Variants in RETREG3 observed in about 807,000 individuals in gnomAD.
RETREG3 encodes reticulophagy regulator family member 3.
Under a neutral mutation model 50.2 loss-of-function variants are expected in RETREG3, and 23 were observed. The observed-to-expected ratio is 0.46, with a 90% CI of 0.33 to 0.65. The LOEUF (loss-of-function observed/expected upper bound fraction) is 0.65, where lower values mean the gene tolerates loss of function less well. Among genes scored for constraint, RETREG3 ranks in the 30% least tolerant of loss-of-function variants. RETREG3 has a pLI of 0.02. For synonymous variants in RETREG3, 240 were observed against 234.4 expected, an observed-to-expected ratio of 1.02 and a Z score of -0.22; for missense variants, 546 against 598.0, an observed-to-expected ratio of 0.91 and a Z score of 0.91.
chr17:42,599,382 C>A (rs1197143452), intron 1 of RETREG3, among the ~76,000 whole-genome samples: 2 of 152,120 alleles, frequency 1.3e-5, no homozygotes, highest in African/African-American at 2.4e-5. Flanking sequence ...TGGCTGGGCA[C>A]AGTGGCTCAT....
Position 42,580,397 on chromosome 17 carries a change from G to A in RETREG3, c.*1416C>T, listed in dbSNP as rs1334813111. 1 of 152,798 alleles carries A rather than the reference G, an allele frequency of 6.5e-6. No homozygotes were observed. Among genetic ancestry groups the A allele is most frequent in the Non-Finnish European group, 1.5e-5 (1 of 68,062 alleles). 9.5% of individuals were successfully genotyped at this position (152,798 alleles called of 1,614,324 possible). A position where few individuals can be genotyped will look rare whatever the true frequency, so the allele number is the denominator to read the frequency against. Reference sequence around the variant, plus strand: ...ATGAATTATTGCTTCTCCAAAGGAGGAGCAGAGGAAGGAACAGGAACATAG... The same window carrying A: ...ATGAATTATTGCTTCTCCAAAGGAGAAGCAGAGGAAGGAACAGGAACATAG... On this transcript the variant is annotated 3_prime_UTR_variant, in exon 9 of 9. Transcript: ENST00000309428.
At chr17:42,601,697 A>G (rs1287336502) in intron 1 of RETREG3, among the ~76,000 whole-genome samples, 3 of 124,494 alleles carry the variant, frequency 2.4e-5, no homozygotes, top group South Asian at 5.4e-4. Context: ...CAGTGGCGCG[A>G]TCTCGGGTCA....
In RETREG3 at chr17:42,587,863, C is replaced by A; in HGVS notation, c.348G>T (p.Val116=). The change falls in exon 3 of 9, where the codon GTG becomes GTT. Residue 116 remains valine (V), a splice_region_variant and synonymous_variant. Coordinates refer to ENST00000309428, the MANE Select transcript of RETREG3 (RefSeq NM_178126.4). Reference sequence around the variant, plus strand: ...CATTGTCTAATGCGTCGGGTCTTGGCACTACAATATTAAAACAAACACCAG... The same window carrying A: ...CATTGTCTAATGCGTCGGGTCTTGGAACTACAATATTAAAACAAACACCAG... The part of the protein sequence containing the change: ...WKNKIWPEIK[V]PRPDALDNES... 6.2e-7 allele frequency: 1 copy of A among 1,614,070 alleles called. No homozygotes were observed. Among genetic ancestry groups the A allele is most frequent in the Non-Finnish European group, 8.5e-7 (1 of 1,180,002 alleles).
At chr17:42,604,222 TA>T (rs2093163562) in intron 1 of RETREG3, among the ~76,000 whole-genome samples, 1 of 152,142 alleles carries the variant, frequency 6.6e-6, no homozygotes, top group Non-Finnish European at 1.5e-5. Flanking sequence ...TAACAAATTC[TA>T]TAATAACCTC....
intron 2 of RETREG3, among the ~76,000 whole-genome samples, chr17:42,589,314 T>C (rs2093127821): frequency 6.6e-6 from 1 of 152,208 alleles, no homozygotes; most frequent in Admixed American, 6.5e-5. Flanking sequence ...CTACATCAGT[T>C]TTCCTCTCTC....
chr17:42,593,463 T>C (rs1218828296), intron 1 of RETREG3, among the ~76,000 whole-genome samples: 1 of 151,538 alleles, frequency 6.6e-6, no homozygotes, highest in African/African-American at 2.4e-5. Flanking sequence ...TCCTGGTTAA[T>C]ATGGTGAAAC....
At chr17:42,588,937 T>G (rs1033403728) in intron 2 of RETREG3, among the ~76,000 whole-genome samples, 1 of 152,054 alleles carries the variant, frequency 6.6e-6, no homozygotes, top group Non-Finnish European at 1.5e-5. Context: ...GAATTACAGG[T>G]GTGAGCCACC....
rs771454576 is a variant in RETREG3 at position 42,609,243 on chromosome 17, A to T, written c.82T>A (p.Ser28Thr). The change falls in exon 1 of 9, where the codon TCC becomes ACC. Residue 28 changes from serine to threonine, a missense_variant. By Grantham distance (58) the Ser-to-Thr change is moderately conservative (BLOSUM62 1). Coordinates refer to ENST00000309428, the MANE Select transcript of RETREG3 (RefSeq NM_178126.4). ...TFRGRRDVSG[S>T]WERDQQVEAA... ...TCAACCTGCTGGTCCCGCTCCCAGG[A>T]GCCTGACACATCTCGGCGGCCCCTG... 3 of 1,607,702 alleles carry T rather than the reference A, an allele frequency of 1.9e-6. No individual in the cohort carries two copies. The highest frequency in any genetic ancestry group is 2.5e-6 in the Non-Finnish European group (3 of 1,179,814).
intron 1 of RETREG3, among the ~76,000 whole-genome samples, chr17:42,596,283 T>C (rs2093144260): frequency 7.3e-6 from 1 of 137,684 alleles, no homozygotes; most frequent in East Asian, 2.1e-4. Context: ...TGCTTGAGCC[T>C]GAAAGGTTGA....
In RETREG3 at chr17:42,582,806, G is replaced by A; in HGVS notation, c.811C>T (p.Leu271=). ...EEELAAFCPQ[L]DDSTVARELA... ...TCCCTGGCAACAGTAGAATCGTCCA[G>A]CTTAGGAAAAGACCAACAAATGTGA... is the stretch of plus-strand genomic sequence containing the variant. The change falls in exon 8 of 9, where the codon CTG becomes TTG. Residue 271 remains leucine, a splice_region_variant and synonymous_variant. Transcript: ENST00000309428. The A allele has an allele frequency of 1.2e-6, 2 of 1,614,184 alleles. No homozygotes were observed. The highest frequency in any genetic ancestry group is 8.5e-7 in the Non-Finnish European group (1 of 1,180,030).
chr17:42,582,003 C>T lies in RETREG3; in HGVS notation c.1211G>A (p.Gly404Asp). ...TSNLASLVSQ[G>D]MIQLALSGAS... ...CCCTGACAAGGCCAGCTGAATCATACCCTGGGAGACCAGGCTGGCAAGGTT... is the reference window on the plus strand; with the variant it reads ...CCCTGACAAGGCCAGCTGAATCATATCCTGGGAGACCAGGCTGGCAAGGTT... Residue 404 changes from glycine to aspartate, a missense_variant, in exon 9 of 9, where the codon GGT becomes GAT. Transcript: ENST00000309428. 2 of 1,614,096 alleles carry T rather than the reference C, an allele frequency of 1.2e-6. No individual in the cohort carries two copies. The highest frequency in any genetic ancestry group is 1.7e-6 in the Non-Finnish European group (2 of 1,180,020).
chr17:42,594,708 G>A lies in RETREG3; in HGVS notation c.240-2546C>T, dbSNP rs146647186. 1.1e-3 allele frequency among the ~76,000 whole-genome samples: 165 copies of A among 146,690 alleles called. 1 individual carries two copies. Among genetic ancestry groups the A allele is most frequent in the African/African-American group, 3.8e-3 (153 of 39,840 alleles). The stretch of plus-strand genomic sequence containing the variant: ...AATACAAAAAATAAAAAAATTAGCC[G>A]GGCATGGTGGCAGGTGCCTGTAGTC... On this transcript the variant is annotated intron_variant, in intron 1 of 8. Coordinates refer to ENST00000309428, the MANE Select transcript of RETREG3 (RefSeq NM_178126.4).
In RETREG3 at chr17:42,580,052, G is replaced by A. The variant is rs1032562523; in HGVS notation, c.*1761C>T. 1 of 152,764 alleles carries A rather than the reference G, an allele frequency of 6.5e-6. No homozygotes were observed. The highest frequency in any genetic ancestry group is 1.5e-5 in the Non-Finnish European group (1 of 68,082). The allele number at this position is 152,764 out of a possible 1,614,324, so 9.5% of individuals were successfully genotyped here. On this transcript the variant is annotated 3_prime_UTR_variant, in exon 9 of 9. Coordinates refer to ENST00000309428, the MANE Select transcript of RETREG3 (RefSeq NM_178126.4). Reference sequence around the variant, plus strand: ...GAAGGAAAGAGGACAGAAGCGTTTGGCTTGAGCTCTGCTTGGGGAGGCAGA... The same window carrying A: ...GAAGGAAAGAGGACAGAAGCGTTTGACTTGAGCTCTGCTTGGGGAGGCAGA...
rs1453574923 is a variant in RETREG3, at chr17:42,582,061, C to T, written c.1153G>A (p.Gly385Ser). 1 of 1,613,986 alleles carries T rather than the reference C, an allele frequency of 6.2e-7. No homozygotes were observed. The highest frequency in any genetic ancestry group is 8.5e-7 in the Non-Finnish European group (1 of 1,179,984). Reference protein sequence around the residue: ...DEAALPELLLGALPVGSNLTS... With the variant: ...DEAALPELLLSALPVGSNLTS... ...AGGTTGGATCCTACAGGAAGAGCAC[C>T]AAGCAGGAGCTCCGGCAGCGCAGCC... Residue 385 changes from glycine (G) to serine (S), a missense_variant, in exon 9 of 9, where the codon GGT becomes AGT. By Grantham distance (56) the Gly-to-Ser change is moderately conservative. Coordinates refer to ENST00000309428, the MANE Select transcript of RETREG3 (RefSeq NM_178126.4).
chr17:42,595,667 T>C (rs1388831775), intron 1 of RETREG3, among the ~76,000 whole-genome samples: 1 of 122,090 alleles, frequency 8.2e-6, no homozygotes, highest in Admixed American at 7.7e-5. Flanking sequence ...TCTTTCTTTC[T>C]TTTTTTTTTT....
intron 1 of RETREG3, 86 bp downstream of exon 1, chr17:42,609,000 A>G: frequency 1.5e-6 from 2 of 1,361,174 alleles, no homozygotes; most frequent in Non-Finnish European, 2.0e-6. Context: ...AGTGCAGCGA[A>G]GAAAACAGGG....
intron 1 of RETREG3, among the ~76,000 whole-genome samples, chr17:42,605,875 C>T (rs1277606993): frequency 1.3e-5 from 2 of 151,466 alleles, no homozygotes; most frequent in East Asian, 3.9e-4. Context: ...CCTGTAATCC[C>T]AGCTACTCGG....
intron 5 of RETREG3, 92 bp from the exon 6 acceptor site, chr17:42,585,354 G>A (rs1302880094): frequency 3.1e-5 from 47 of 1,521,428 alleles, no homozygotes; most frequent in Non-Finnish European, 3.8e-5. Flanking sequence ...CTTAGGGCTT[G>A]GACACAAAGT....
At position 42,592,260 on chromosome 17, in the gene RETREG3, T is replaced by C. The variant is rs2093134772; in HGVS notation, c.240-98A>G. The C allele has an allele frequency of 7.6e-6, 7 of 923,498 alleles. No individual in the cohort carries two copies. In the South Asian group the frequency reaches 1.0e-4, roughly 13 times the overall value. 57.2% of individuals were successfully genotyped at this position (923,498 alleles called of 1,614,324 possible). A position where few individuals can be genotyped will look rare whatever the true frequency, so the allele number is the denominator to read the frequency against. ...CGATGGGCTCTGTGGTAAACAGACT[T>C]GAGGTCTAGCTTTTTTTGTTCTGAC... is the stretch of plus-strand genomic sequence containing the variant. On this transcript the variant is annotated intron_variant, in intron 1 of 8. Coordinates refer to ENST00000309428, the MANE Select transcript of RETREG3 (RefSeq NM_178126.4).
Sources: allele counts gnomAD v4.1 joint callset (sites outside exome capture counted in the v4.1 genomes callset), GRCh38; gene constraint gnomAD v4.1.1; transcripts MANE v1.5; gene names NCBI Gene and HGNC (gene_info 2026-07-23, HGNC 2026-07-21).